Variants in RBFOX3 observed in about 807,000 individuals in gnomAD.
The protein encoded by RBFOX3 is RNA binding protein fox-1 homolog 3.
Under a neutral mutation model 48.7 loss-of-function variants are expected in RBFOX3, and 17 were observed. The observed-to-expected ratio is 0.35, with a 90% CI of 0.24 to 0.52. The LOEUF is 0.52. Ranked by LOEUF, RBFOX3 falls within the 20% of genes least tolerant of loss-of-function variation. The probability of loss-of-function intolerance (pLI) is 0.94; values close to 1 mark genes in which losing one functional copy is unlikely to be tolerated. For missense variants in RBFOX3, 382 were observed against 497.5 expected (o/e 0.77, Z 2.21); for synonymous variants, 212 against 209.5 (o/e 1.01, Z -0.10).
At chr17:79,290,876 G>A (rs1013940655) in intron 3 of RBFOX3, among the ~76,000 whole-genome samples, 5 of 152,156 alleles carry the variant, frequency 3.3e-5, no homozygotes, top group South Asian at 2.1e-4. Flanking sequence ...CCCTGGCTGC[G>A]TTCTCCCAGA....
At chr17:79,133,782 AGGCCAAAGCTCCC>A (rs2143538401) in intron 4 of RBFOX3, among the ~76,000 whole-genome samples, 1 of 152,306 alleles carries the variant, frequency 6.6e-6, no homozygotes, top group African/African-American at 2.4e-5. Context: ...AACATCATCC[AGGCCAAAGCTCCC>A]TCCCAGGGCC....
At chr17:79,591,890 G>A (rs2093427850) in intron 1 of RBFOX3, among the ~76,000 whole-genome samples, 1 of 151,902 alleles carries the variant, frequency 6.6e-6, no homozygotes, top group Admixed American at 6.6e-5. Flanking sequence ...CACGTGTGGA[G>A]GGTGTGTGGA....
At chr17:79,122,311 C>A (rs2703525) in intron 4 of RBFOX3, among the ~76,000 whole-genome samples, 1 of 152,078 alleles carries the variant, frequency 6.6e-6, no homozygotes. Context: ...AGTCCTGAGA[C>A]GGCCCCTCCC....
chr17:79,498,172 C>A (rs1220037506), intron 1 of RBFOX3, among the ~76,000 whole-genome samples: 3 of 152,214 alleles, frequency 2.0e-5, no homozygotes, highest in African/African-American at 7.2e-5. Flanking sequence ...CAGGTTGACT[C>A]AGGGCCAGTT....
chr17:79,309,667 T>A (rs916104969), intron 2 of RBFOX3, among the ~76,000 whole-genome samples: 1 of 152,212 alleles, frequency 6.6e-6, no homozygotes, highest in African/African-American at 2.4e-5. Flanking sequence ...CATCTGGAAT[T>A]GTAATCCCCA....
At chr17:79,397,766 C>T (rs61036611) in intron 2 of RBFOX3, among the ~76,000 whole-genome samples, 17,342 of 152,134 alleles carry the variant, frequency 0.11, 1,249 homozygotes, top group East Asian at 0.18. Context: ...GCCTCCAGGA[C>T]GTCGGGGAAC....
chr17:79,424,838 G>A (rs1319867624), intron 2 of RBFOX3, among the ~76,000 whole-genome samples: 2 of 151,938 alleles, frequency 1.3e-5, no homozygotes, highest in East Asian at 1.9e-4. Context: ...CCCCATCTCT[G>A]CTCCTGGAAG....
At chr17:79,319,112 T>A (rs974206501) in intron 2 of RBFOX3, among the ~76,000 whole-genome samples, 2 of 152,070 alleles carry the variant, frequency 1.3e-5, no homozygotes, top group African/African-American at 4.8e-5. Context: ...GATGTGGCTT[T>A]CCCGGAGGCA....
intron 3 of RBFOX3, among the ~76,000 whole-genome samples, chr17:79,239,047 G>A (rs1423459220): frequency 6.6e-6 from 1 of 152,216 alleles, no homozygotes; most frequent in Non-Finnish European, 1.5e-5. Flanking sequence ...GCATGGAAAG[G>A]AAGGTGGTCT....
intron 2 of RBFOX3, among the ~76,000 whole-genome samples, chr17:79,401,088 C>G (rs1485908780): frequency 6.6e-6 from 1 of 152,270 alleles, no homozygotes; most frequent in Non-Finnish European, 1.5e-5. Context: ...TCCAGTGCTG[C>G]CCTGCAGAGC....
intron 1 of RBFOX3, among the ~76,000 whole-genome samples, chr17:79,586,481 A>G (rs2093253403): frequency 6.6e-6 from 1 of 152,194 alleles, no homozygotes; most frequent in African/African-American, 2.4e-5. Context: ...TTCAAGCTAC[A>G]GCGTTTTGGG....
intron 1 of RBFOX3, among the ~76,000 whole-genome samples, chr17:79,544,840 C>G (rs2090177969): frequency 6.6e-6 from 1 of 151,958 alleles, no homozygotes; most frequent in East Asian, 1.9e-4. Flanking sequence ...TGTCCTCACT[C>G]CTCTCCAAGA....
chr17:79,513,462 G>A (rs2084802358), intron 1 of RBFOX3, among the ~76,000 whole-genome samples: 2 of 152,230 alleles, frequency 1.3e-5, no homozygotes, highest in African/African-American at 2.4e-5. Context: ...CCATGGCCAG[G>A]TGGCACATAC....
chr17:79,263,713 G>A (rs893021176), intron 3 of RBFOX3, among the ~76,000 whole-genome samples: 1 of 152,172 alleles, frequency 6.6e-6, no homozygotes, highest in South Asian at 2.1e-4. Flanking sequence ...TGCCTAGAAC[G>A]GTGCCTGACA....
rs568893311 is a variant in RBFOX3, at chr17:79,352,279, T to C, written c.-174-44455A>G. ...GTGCTATCTCATGAGTGAGTTCTCA[T>C]GATATCTGGTTGTTTAAAAGTGTGT... On this transcript the variant is annotated intron_variant, in intron 2 of 14. Coordinates refer to ENST00000693108, the MANE Select transcript of RBFOX3 (RefSeq NM_001350451.2). 1.6e-4 allele frequency among the ~76,000 whole-genome samples: 24 copies of C among 152,282 alleles called. No individual in the cohort carries two copies. In the South Asian group the frequency reaches 1.9e-3, roughly 12 times the overall value.
chr17:79,487,458 G>T (rs2079797132), intron 1 of RBFOX3, among the ~76,000 whole-genome samples: 1 of 152,218 alleles, frequency 6.6e-6, no homozygotes, highest in Admixed American at 6.5e-5. Flanking sequence ...TGCTGAGATG[G>T]GGGAGAGGAG....
chr17:79,620,472 T>G, the RBFOX3 span, among the ~76,000 whole-genome samples: 295 of 130,344 alleles, frequency 2.3e-3, no homozygotes, highest in Non-Finnish European at 4.1e-3. Flanking sequence ...CATGCACACG[T>G]GCACACACGC....
At chr17:79,179,517 C>A (rs903131260) in intron 4 of RBFOX3, among the ~76,000 whole-genome samples, 1 of 152,100 alleles carries the variant, frequency 6.6e-6, no homozygotes. Flanking sequence ...CAGGGCCAGT[C>A]CCTCTCCCCC....
chr17:79,632,005 G>A, the RBFOX3 span, among the ~76,000 whole-genome samples: 13 of 152,328 alleles, frequency 8.5e-5, no homozygotes, highest in African/African-American at 2.9e-4. Flanking sequence ...GGGGATCCTG[G>A]CAGCCGATGT....
Sources: gnomAD v4.1 joint callset for allele counts (sites outside exome capture counted in the v4.1 genomes callset) on GRCh38, gnomAD v4.1.1 for gene constraint, MANE v1.5 for transcripts, NCBI Gene and HGNC (gene_info 2026-07-23, HGNC 2026-07-21) for gene names.